Variants in DIAPH3 observed in about 807,000 individuals in gnomAD.
The protein encoded by DIAPH3 is diaphanous related formin 3.
A neutral mutation model predicts 144.3 loss-of-function variants in DIAPH3; 117 were observed. That is an observed-to-expected ratio of 0.81 (90% CI 0.70 to 0.95). DIAPH3 has a LOEUF of 0.95. Among genes scored for constraint, DIAPH3 ranks in the 40% least tolerant of loss-of-function variants. The pLI is 0.00. For synonymous variants in DIAPH3, 519 were observed against 488.9 expected, an observed-to-expected ratio of 1.06 and a Z score of -0.81; for missense variants, 1,421 against 1,412.7, an observed-to-expected ratio of 1.01 and a Z score of -0.09.
chr13:60,045,568 T>C (rs1181288497), intron 4 of DIAPH3, among the ~76,000 whole-genome samples: 6 of 152,224 alleles, frequency 3.9e-5, no homozygotes, highest in Admixed American at 3.3e-4. Flanking sequence ...TTGCATTACT[T>C]ACTTAATTAG....
intron 27 of DIAPH3, among the ~76,000 whole-genome samples, chr13:59,667,481 GATTA>G (rs2032088157): frequency 6.6e-6 from 1 of 152,144 alleles, no homozygotes; most frequent in East Asian, 1.9e-4. Flanking sequence ...ATAATAATGA[GATTA>G]ATTTCCTTTT....
chr13:59,973,704 C>T (rs186465350), intron 15 of DIAPH3, among the ~76,000 whole-genome samples: 96 of 152,174 alleles, frequency 6.3e-4, no homozygotes, highest in Non-Finnish European at 4.3e-4. Context: ...AATAGCAAAA[C>T]TATACTTATT....
intron 2 of DIAPH3, among the ~76,000 whole-genome samples, chr13:60,119,343 A>G (rs903273704): frequency 6.6e-6 from 1 of 152,244 alleles, no homozygotes; most frequent in African/African-American, 2.4e-5. Flanking sequence ...TCAAGCCTTC[A>G]CATGACTGTA....
At chr13:60,044,634 C>A (rs1224614443) in intron 4 of DIAPH3, among the ~76,000 whole-genome samples, 1 of 152,070 alleles carries the variant, frequency 6.6e-6, no homozygotes. Context: ...ACAAAGGTGC[C>A]TCAAAATAAC....
At chr13:59,708,148 G>C (rs2034532784) in intron 27 of DIAPH3, among the ~76,000 whole-genome samples, 1 of 151,400 alleles carries the variant, frequency 6.6e-6, no homozygotes, top group Non-Finnish European at 1.5e-5. Context: ...CTGTAGTCTT[G>C]AACTCAGGGG....
rs1353758996 is a variant in DIAPH3 at position 59,970,847 on chromosome 13, T to G, written c.1959+5A>C. ...AAAGTATTTTCCTCTATTAATTTCT[T>G]TTACCTTTAACCAATTCAATCTTCT... On this transcript the variant is annotated splice_donor_5th_base_variant and intron_variant, in intron 16 of 27. Coordinates refer to ENST00000400324, the MANE Select transcript of DIAPH3 (RefSeq NM_001042517.2). The G allele has an allele frequency of 4.3e-6, 7 of 1,609,766 alleles. No individual in the cohort carries two copies. The highest frequency in any genetic ancestry group is 1.1e-5 in the South Asian group (1 of 90,748).
intron 17 of DIAPH3, among the ~76,000 whole-genome samples, chr13:59,956,886 TA>T (rs1354496648): frequency 5.9e-5 from 9 of 152,140 alleles, no homozygotes; most frequent in Non-Finnish European, 1.0e-4. Flanking sequence ...TCAAAGGAGA[TA>T]ATTTTGGAGC....
At chr13:59,896,648 GTTA>G (rs2140151090) in intron 20 of DIAPH3, among the ~76,000 whole-genome samples, 1 of 152,206 alleles carries the variant, frequency 6.6e-6, no homozygotes, top group South Asian at 2.1e-4. Flanking sequence ...CTATTAGGCT[GTTA>G]TTATACACAA....
At chr13:60,031,242 G>C (rs2054769255) in intron 5 of DIAPH3, among the ~76,000 whole-genome samples, 1 of 151,908 alleles carries the variant, frequency 6.6e-6, no homozygotes, top group Admixed American at 6.6e-5. Context: ...GGGTGGGGAG[G>C]CAAACTTGTA....
At chr13:59,949,250 AC>A (rs1400204241) in intron 17 of DIAPH3, among the ~76,000 whole-genome samples, 2 of 152,124 alleles carry the variant, frequency 1.3e-5, no homozygotes, top group African/African-American at 4.8e-5. Context: ...AGCACAAGTG[AC>A]TCCATTCTGG....
intron 25 of DIAPH3, among the ~76,000 whole-genome samples, chr13:59,803,209 A>G (rs114143240): frequency 1.1e-3 from 174 of 152,310 alleles, no homozygotes; most frequent in African/African-American, 4.1e-3. Context: ...TAAGATCAAA[A>G]GAACTGATTG....
intron 20 of DIAPH3, among the ~76,000 whole-genome samples, chr13:59,896,631 G>T (rs971180829): frequency 6.6e-6 from 1 of 152,022 alleles, no homozygotes; most frequent in Non-Finnish European, 1.5e-5. Flanking sequence ...ACATACTTCC[G>T]TAACAACTAT....
At chr13:60,124,256 GCTCTATGAC>G (rs1362751861) in intron 2 of DIAPH3, among the ~76,000 whole-genome samples, 1 of 152,160 alleles carries the variant, frequency 6.6e-6, no homozygotes, top group Non-Finnish European at 1.5e-5. Context: ...TTCTGCAGTG[GCTCTATGAC>G]CCCATTACCC....
chr13:59,903,257 T>C (rs2046547559), intron 20 of DIAPH3, among the ~76,000 whole-genome samples: 1 of 152,202 alleles, frequency 6.6e-6, no homozygotes. Context: ...TTGCAAAGCT[T>C]TGAAATATTC....
chr13:60,093,372 A>G (rs1211104597), intron 4 of DIAPH3, among the ~76,000 whole-genome samples: 1 of 152,212 alleles, frequency 6.6e-6, no homozygotes, highest in African/African-American at 2.4e-5. Context: ...CTAACAAGGA[A>G]AGGTGACAGA....
At chr13:60,051,993 A>G (rs2056369250) in intron 4 of DIAPH3, among the ~76,000 whole-genome samples, 1 of 152,210 alleles carries the variant, frequency 6.6e-6, no homozygotes, top group African/African-American at 2.4e-5. Context: ...TTCAAAAAAC[A>G]CTAGTCAGTG....
chr13:59,798,683 T>C (rs1213698425), intron 25 of DIAPH3, among the ~76,000 whole-genome samples: 3 of 152,204 alleles, frequency 2.0e-5, no homozygotes, highest in Non-Finnish European at 2.9e-5. Context: ...TCATTCTTAG[T>C]ACAGGAACCA....
At chr13:59,846,784 G>C (rs1428492820) in intron 22 of DIAPH3, among the ~76,000 whole-genome samples, 1 of 152,146 alleles carries the variant, frequency 6.6e-6, no homozygotes, top group African/African-American at 2.4e-5. Context: ...TAAATTGAAA[G>C]AAACTGTGCT....
chr13:60,161,061 G>A (rs771735521), intron 1 of DIAPH3, among the ~76,000 whole-genome samples: 14 of 152,176 alleles, frequency 9.2e-5, no homozygotes, highest in Non-Finnish European at 2.1e-4. Flanking sequence ...GGAGTGACCA[G>A]TCTACCACTC....
Sources: allele counts gnomAD v4.1 joint callset (sites outside exome capture counted in the v4.1 genomes callset), GRCh38; gene constraint gnomAD v4.1.1; transcripts MANE v1.5; gene names NCBI Gene and HGNC (gene_info 2026-07-23, HGNC 2026-07-21).